Variants in MAD1L1 observed in about 807,000 individuals in gnomAD.
MAD1L1 encodes mitotic spindle assembly checkpoint protein MAD1.
In MAD1L1, 95 loss-of-function variants were observed where a neutral mutation model predicts 96.9. The observed-to-expected ratio is 0.98, with a 90% confidence interval of 0.83 to 1.16. MAD1L1 has a LOEUF of 1.16. Among genes scored for constraint, MAD1L1 ranks in the 50% most tolerant of loss-of-function variants. The pLI is 0.00. For missense variants in MAD1L1, 1,007 were observed against 954.4 expected, an observed-to-expected ratio of 1.06 and a Z score of -0.73; for synonymous variants, 473 against 396.6, an observed-to-expected ratio of 1.19 and a Z score of -2.29.
chr7:2,123,574 G>C (rs1697841033), intron 11 of MAD1L1, among the ~76,000 whole-genome samples: 2 of 152,198 alleles, frequency 1.3e-5, no homozygotes, highest in South Asian at 4.1e-4. Context: ...GGAGCACCCA[G>C]GAGGAGCCAG....
intron 14 of MAD1L1, among the ~76,000 whole-genome samples, chr7:1,998,772 A>G (rs1781667118): frequency 7.4e-6 from 1 of 135,258 alleles, no homozygotes; most frequent in African/African-American, 2.7e-5. Context: ...GCAGAAGAGG[A>G]CCCTGGCATC....
At chr7:2,010,280 G>A (rs1782236581) in intron 13 of MAD1L1, among the ~76,000 whole-genome samples, 2 of 151,982 alleles carry the variant, frequency 1.3e-5, no homozygotes, top group South Asian at 2.1e-4. Flanking sequence ...AGCTGCCCGA[G>A]CCTCTGGGAG....
intron 11 of MAD1L1, among the ~76,000 whole-genome samples, chr7:2,138,563 T>C (rs910324549): frequency 6.6e-6 from 1 of 152,128 alleles, no homozygotes; most frequent in Non-Finnish European, 1.5e-5. Flanking sequence ...TCCGGCTTGT[T>C]AGGAGAAGTC....
At chr7:1,938,668 A>C (rs1160613185) in intron 16 of MAD1L1, among the ~76,000 whole-genome samples, 1 of 152,190 alleles carries the variant, frequency 6.6e-6, no homozygotes, top group Admixed American at 6.6e-5. Flanking sequence ...GACACTTCCC[A>C]AAAAGACACC....
intron 15 of MAD1L1, among the ~76,000 whole-genome samples, chr7:1,966,758 T>C (rs1780185858): frequency 6.6e-6 from 1 of 152,056 alleles, no homozygotes; most frequent in Admixed American, 6.6e-5. Context: ...TGCAAATCTC[T>C]CCCCAGGCAG....
chr7:2,047,963 C>T (rs1455721152), intron 12 of MAD1L1, among the ~76,000 whole-genome samples: 1 of 152,250 alleles, frequency 6.6e-6, no homozygotes, highest in Non-Finnish European at 1.5e-5. Context: ...CACGTGCACA[C>T]TCACATGATC....
chr7:2,149,780 G>A (rs778309743), intron 10 of MAD1L1, among the ~76,000 whole-genome samples: 5 of 152,174 alleles, frequency 3.3e-5, no homozygotes, highest in Non-Finnish European at 7.3e-5. Context: ...TGAAACAGCC[G>A]CTTCAAAGTT....
At chr7:2,004,831 TAGCACTTCC>T (rs961111729) in intron 13 of MAD1L1, among the ~76,000 whole-genome samples, 10 of 152,216 alleles carry the variant, frequency 6.6e-5, no homozygotes, top group Non-Finnish European at 1.3e-4. Flanking sequence ...CCATTCAGCC[TAGCACTTCC>T]ATCGATGGCT....
At position 2,103,955 on chromosome 7, in the gene MAD1L1, C is replaced by A. The variant is rs968640868; in HGVS notation, c.1074-34617G>T. On this transcript the variant is annotated intron_variant, in intron 11 of 18. Coordinates refer to ENST00000265854, the MANE Select transcript of MAD1L1 (RefSeq NM_001013836.2). The surrounding 1 kb of genome is among the most constrained non-coding windows in gnomAD (Gnocchi z 4.3). Reference sequence around the variant, plus strand: ...GAGAAAGAGGCCCCCAGACACATGGCAGAGAATCAAATATGCAGCCGGTGT... The same window carrying A: ...GAGAAAGAGGCCCCCAGACACATGGAAGAGAATCAAATATGCAGCCGGTGT... 6.6e-6 allele frequency among the ~76,000 whole-genome samples: 1 copy of A among 152,198 alleles called. No individual in the cohort carries two copies. Among genetic ancestry groups the A allele is most frequent in the Non-Finnish European group, 1.5e-5 (1 of 68,042 alleles).
intron 17 of MAD1L1, among the ~76,000 whole-genome samples, chr7:1,907,693 C>T (rs1210653648): frequency 6.6e-6 from 1 of 152,246 alleles, no homozygotes; most frequent in African/African-American, 2.4e-5. Context: ...ACATCACCTG[C>T]CCCCGGGTCA....
chr7:2,087,464 C>T (rs532225201), intron 11 of MAD1L1, among the ~76,000 whole-genome samples: 44 of 152,206 alleles, frequency 2.9e-4, no homozygotes, highest in African/African-American at 9.4e-4. Flanking sequence ...CACTTGAACC[C>T]GGGAAATGGA....
At position 2,004,799 on chromosome 7, in the gene MAD1L1, G is replaced by A. The variant is rs183837100; in HGVS notation, c.1360-2678C>T. ...AAGCGGCTCATCAGCCTGAGGCCGA[G>A]GCGTCCACCTCCGTACCAGCCCCAT... On this transcript the variant is annotated intron_variant, in intron 13 of 18. Coordinates refer to ENST00000265854, the MANE Select transcript of MAD1L1 (RefSeq NM_001013836.2). Among the ~76,000 whole-genome samples the A allele has an allele frequency of 1.2e-4, 19 of 152,350 alleles. No individual in the cohort carries two copies. In the East Asian group the frequency reaches 3.5e-3, roughly 28 times the overall value.
chr7:1,990,403 G>A (rs1781355968), intron 14 of MAD1L1, among the ~76,000 whole-genome samples: 1 of 152,238 alleles, frequency 6.6e-6, no homozygotes, highest in East Asian at 1.9e-4. Context: ...TCCTAAGGAG[G>A]CCTCGGGGGG....
chr7:2,078,933 T>C (rs912334629), intron 11 of MAD1L1, among the ~76,000 whole-genome samples: 3 of 152,188 alleles, frequency 2.0e-5, no homozygotes, highest in Non-Finnish European at 2.9e-5. Flanking sequence ...GGCCGTGCCT[T>C]GGGCACCCCC....
intron 9 of MAD1L1, among the ~76,000 whole-genome samples, chr7:2,214,028 C>A (rs944061925): frequency 6.6e-6 from 1 of 152,282 alleles, no homozygotes; most frequent in African/African-American, 2.4e-5. Flanking sequence ...TGCGCAGGCA[C>A]GCACTTGACT....
intron 18 of MAD1L1, among the ~76,000 whole-genome samples, chr7:1,869,332 G>T (rs536553349): frequency 2.0e-5 from 3 of 151,974 alleles, no homozygotes; most frequent in Non-Finnish European, 2.9e-5. Flanking sequence ...CATCTACCTC[G>T]GCGCAGGCTC....
intron 11 of MAD1L1, among the ~76,000 whole-genome samples, chr7:2,115,482 C>A (rs956550600): frequency 1.5e-4 from 21 of 143,224 alleles, no homozygotes; most frequent in African/African-American, 5.3e-4. Flanking sequence ...TGGACAGGGT[C>A]CCCACGTGTT....
chr7:2,149,573 G>A (rs917558765), intron 10 of MAD1L1, among the ~76,000 whole-genome samples: 2 of 152,196 alleles, frequency 1.3e-5, no homozygotes, highest in Non-Finnish European at 1.5e-5. Flanking sequence ...CACAGGGGAG[G>A]TGCTCAGCGA....
At position 1,898,397 on chromosome 7, in the gene MAD1L1, G is replaced by A. The variant is rs780078354; in HGVS notation, c.1808-7C>T. On this transcript the variant is annotated splice_region_variant and splice_polypyrimidine_tract_variant and intron_variant, in intron 17 of 18. Coordinates refer to ENST00000265854, the MANE Select transcript of MAD1L1 (RefSeq NM_001013836.2). ...TCCACCTGCTTCTTCAGCTCTGCGG[G>A]AGGGACGGAAGGAGACAGTGAGTGC... 1 of 1,613,356 alleles carries A rather than the reference G, an allele frequency of 6.2e-7. No individual in the cohort carries two copies. Among genetic ancestry groups the A allele is most frequent in the Non-Finnish European group, 8.5e-7 (1 of 1,179,612 alleles).
Sources: gnomAD v4.1 joint callset for allele counts (sites outside exome capture counted in the v4.1 genomes callset) on GRCh38, gnomAD v4.1.1 for gene constraint, Gnocchi (gnomAD v3.1) non-coding constraint, MANE v1.5 for transcripts, NCBI Gene and HGNC (gene_info 2026-07-23, HGNC 2026-07-21) for gene names.